Variants in PALM observed in about 807,000 individuals in gnomAD.
The protein encoded by PALM is paralemmin-1.
Under a neutral mutation model 30.7 loss-of-function variants are expected in PALM, and 18 were observed. The observed-to-expected ratio is 0.59, with a 90% CI of 0.41 to 0.87. The LOEUF is 0.87. PALM is among the 40% of genes least tolerant of loss of function. The probability of loss-of-function intolerance (pLI) is 0.00; values close to 1 mark genes in which losing one functional copy is unlikely to be tolerated. For missense variants in PALM, 529 were observed against 555.4 expected (o/e 0.95, Z 0.48); for synonymous variants, 286 against 242.8 (o/e 1.18, Z -1.66).
intron 1 of PALM, chr19:719,764 C>T: frequency 2.3e-6 from 1 of 432,770 alleles, no homozygotes; most frequent in Non-Finnish European, 3.1e-6. Flanking sequence ...CCGCGCCTGG[C>T]GGGCCCCGCC....
intron 1 of PALM, among the ~76,000 whole-genome samples, chr19:713,460 A>G (rs562679838): frequency 1.1e-3 from 171 of 152,286 alleles, no homozygotes; most frequent in Non-Finnish European, 1.9e-3. Context: ...GAGGAAGGGC[A>G]GGTGCTTTAT....
chr19:719,139 G>A lies in PALM; in HGVS notation c.6-6999G>A, dbSNP rs971694569. On this transcript the variant is annotated intron_variant, in intron 1 of 8. Transcript: ENST00000338448. Reference sequence around the variant, plus strand: ...CGCCTGCCCGGGCAGGGACCCCCTCGTTCTGGCTGGAGCTGCCCGGGCGTG... The same window carrying A: ...CGCCTGCCCGGGCAGGGACCCCCTCATTCTGGCTGGAGCTGCCCGGGCGTG... 1.8e-4 allele frequency: 174 copies of A among 985,176 alleles called. 1 individual carries two copies. Among genetic ancestry groups the A allele is most frequent in the Non-Finnish European group, 1.9e-4 (157 of 829,936 alleles). The allele number at this position is 985,176 out of a possible 1,614,324, so 61.0% of individuals were successfully genotyped here.
In PALM at chr19:746,421, G is replaced by A; in HGVS notation, c.771G>A (p.Arg257=). 7 of 1,611,490 alleles carry A rather than the reference G, an allele frequency of 4.3e-6. No homozygotes were observed. Among genetic ancestry groups the A allele is most frequent in the Non-Finnish European group, 5.1e-6 (6 of 1,179,148 alleles). ...CCACGGCCGGGGCGGCAGAGACCCG[G>A]GGGGCTGTGGAGGGGGCAGCCCGGA... ...AGSTAGAAET[R]GAVEGAARTT... Residue 257 remains arginine (R), a synonymous_variant, in exon 9 of 9, where the codon CGG becomes CGA. Transcript: ENST00000338448. The surrounding 1 kb of genome is among the most constrained non-coding windows in gnomAD (Gnocchi z 7.1).
At chr19:720,165 C>T (rs945677996) in intron 1 of PALM, among the ~76,000 whole-genome samples, 17 of 151,946 alleles carry the variant, frequency 1.1e-4, no homozygotes, top group Non-Finnish European at 2.2e-4. Flanking sequence ...CCCCCAATCC[C>T]CCCAAGCACA....
At chr19:716,231 G>T (rs1054690398) in intron 1 of PALM, among the ~76,000 whole-genome samples, 36 of 152,068 alleles carry the variant, frequency 2.4e-4, no homozygotes, top group Non-Finnish European at 4.4e-4. Flanking sequence ...GGTCAACATG[G>T]TGAAACCCCC....
rs752701541 is a variant in PALM at position 746,736 on chromosome 19, G to A, written c.1086G>A (p.Ala362=). 4.4e-6 allele frequency: 7 copies of A among 1,601,734 alleles called. No homozygotes were observed. Among genetic ancestry groups the A allele is most frequent in the East Asian group, 2.3e-5 (1 of 44,440 alleles). The part of the protein sequence containing the change: ...TEAASREENQ[A]GPEATTSDPQ... ...CCGCCTCCAGGGAAGAGAATCAGGC[G>A]GGGCCCGAGGCCACCACCAGCGACC... Residue 362 remains alanine, a synonymous_variant, in exon 9 of 9, where the codon GCG becomes GCA. Transcript: ENST00000338448. The surrounding 1 kb of genome is among the most constrained non-coding windows in gnomAD (Gnocchi z 7.1).
At position 732,041 on chromosome 19, in the gene PALM, A is replaced by G. The variant is rs532278561; in HGVS notation, c.420+796A>G. Among the ~76,000 whole-genome samples, 4 of 151,898 alleles carry G rather than the reference A, an allele frequency of 2.6e-5. No homozygotes were observed. The South Asian group carries it at 8.3e-4, about 32-fold the overall frequency. On this transcript the variant is annotated intron_variant, in intron 5 of 8. Transcript: ENST00000338448. ...AGGCCAGCCAGAGTGCAGTGGCACA[A>G]TCACAGCTCACTGCAGCCTCGACTT...
At chr19:719,907 C>G (rs2032401558) in intron 1 of PALM, among the ~76,000 whole-genome samples, 1 of 152,174 alleles carries the variant, frequency 6.6e-6, no homozygotes, top group Non-Finnish European at 1.5e-5. Flanking sequence ...CCGTTTTGAT[C>G]CGTGCGTCGT....
intron 1 of PALM, among the ~76,000 whole-genome samples, chr19:725,072 C>T (rs1210764355): frequency 6.6e-6 from 1 of 151,854 alleles, no homozygotes; most frequent in Non-Finnish European, 1.5e-5. Flanking sequence ...TCTCGTGCCT[C>T]AGCCTCCACG....
At chr19:718,875 C>T (rs919003239) in intron 1 of PALM, among the ~76,000 whole-genome samples, 1 of 151,856 alleles carries the variant, frequency 6.6e-6, no homozygotes, top group South Asian at 2.1e-4. Flanking sequence ...CAGGGCAGGG[C>T]GGTGGAGGAA....
rs1226780729 is a variant in PALM, at chr19:709,896, C to G, written c.5+745C>G. Among the ~76,000 whole-genome samples the G allele has an allele frequency of 1.4e-5, 2 of 143,080 alleles. No homozygotes were observed. Among genetic ancestry groups the G allele is most frequent in the Admixed American group, 6.8e-5 (1 of 14,664 alleles). The allele number at this position is 143,080 out of a possible 152,430, so 93.9% of individuals were successfully genotyped here. A position where few individuals can be genotyped will look rare whatever the true frequency, so the allele number is the denominator to read the frequency against. On this transcript the variant is annotated intron_variant, in intron 1 of 8. Transcript: ENST00000338448. This position sits in a 1 kb window ranked among gnomAD's most constrained non-coding sequence, Gnocchi z 4.3. ...CTGGGATCCCTGGACCCCCGCATGG[C>G]TGCGCCTGTGTGTGTGGGGGGGGGG...
At position 736,559 on chromosome 19, in the gene PALM, G is replaced by A. The variant is rs116906805; in HGVS notation, c.502+481G>A. Among the ~76,000 whole-genome samples the A allele has an allele frequency of 9.9e-4, 151 of 152,298 alleles. 1 individual carries two copies. The highest frequency in any genetic ancestry group is 1.8e-3 in the Non-Finnish European group (123 of 68,016). ...CGCTTCCGAGAAGCAGGGGAAGGTG[G>A]GGGTTGACGCTGAGTGCCACACGGT... is the stretch of plus-strand genomic sequence containing the variant. On this transcript the variant is annotated intron_variant, in intron 7 of 8. Coordinates refer to ENST00000338448, the MANE Select transcript of PALM (RefSeq NM_002579.3).
intron 1 of PALM, chr19:719,734 C>A: frequency 1.5e-6 from 1 of 675,680 alleles, no homozygotes; most frequent in Non-Finnish European, 1.8e-6. Context: ...CCTCGCCGAT[C>A]ACACGGGAAT....
At chr19:714,030 G>A (rs1342714970) in intron 1 of PALM, among the ~76,000 whole-genome samples, 3 of 151,318 alleles carry the variant, frequency 2.0e-5, no homozygotes, top group East Asian at 2.0e-4. Context: ...TCAGCCTCCC[G>A]AGTAGCTGGG....
chr19:719,045 A>C, intron 1 of PALM: 43 of 539,550 alleles, frequency 8.0e-5, no homozygotes, highest in South Asian at 1.7e-4. Flanking sequence ...CACCCCCCAC[A>C]ATGGCCAAGG....
At chr19:715,360 T>A (rs561232280) in intron 1 of PALM, among the ~76,000 whole-genome samples, 1 of 152,340 alleles carries the variant, frequency 6.6e-6, no homozygotes, top group East Asian at 1.9e-4. Context: ...TGTCATTTGT[T>A]TATTGAACAA....
At chr19:719,538 G>T (rs2032385525) in intron 1 of PALM, 5 of 985,496 alleles carry the variant, frequency 5.1e-6, no homozygotes, top group Non-Finnish European at 4.8e-6. Flanking sequence ...GAGGCTCGGA[G>T]ACCCAGCACC....
intron 1 of PALM, among the ~76,000 whole-genome samples, chr19:721,170 G>A (rs1385766834): frequency 6.6e-6 from 1 of 152,226 alleles, no homozygotes; most frequent in Non-Finnish European, 1.5e-5. Flanking sequence ...GACCAACGGG[G>A]GAAGTGAAGG....
chr19:744,928 C>T (rs2144932375), intron 8 of PALM, among the ~76,000 whole-genome samples: 1 of 150,336 alleles, frequency 6.7e-6, no homozygotes, highest in African/African-American at 2.4e-5. Context: ...GTGTGTAATC[C>T]CAGCACCTTG....
Sources: gnomAD v4.1 joint callset for allele counts (sites outside exome capture counted in the v4.1 genomes callset) on GRCh38, gnomAD v4.1.1 for gene constraint, Gnocchi (gnomAD v3.1) non-coding constraint, MANE v1.5 for transcripts, NCBI Gene and HGNC (gene_info 2026-07-23, HGNC 2026-07-21) for gene names.